Variants in KIF1B observed in about 807,000 individuals in gnomAD.
KIF1B encodes kinesin family member 1B.
KIF1B carries 76 observed loss-of-function variants against 241.9 expected under a neutral mutation model. The observed-to-expected ratio is 0.31, with a 90% CI of 0.26 to 0.38. The LOEUF (loss-of-function observed/expected upper bound fraction) is 0.38. KIF1B is among the 10% of genes least tolerant of loss of function. The pLI is 1.00. For synonymous variants in KIF1B, 750 were observed against 796.7 expected (o/e 0.94, Z 0.99); for missense variants, 1,622 against 2,271.4 (o/e 0.71, Z 5.81).
chr1:10,360,223 C>T (rs1193076551), intron 38 of KIF1B, among the ~76,000 whole-genome samples: 2 of 152,128 alleles, frequency 1.3e-5, no homozygotes, highest in Non-Finnish European at 2.9e-5. Context: ...AGTTACCAAG[C>T]ATTCACTTCC....
intron 22 of KIF1B, among the ~76,000 whole-genome samples, chr1:10,319,006 C>G (rs748142370): frequency 6.6e-6 from 1 of 151,940 alleles, no homozygotes; most frequent in Non-Finnish European, 1.5e-5. Flanking sequence ...CTCTGAGAAC[C>G]ATTTTTTGGC....
chr1:10,260,618 A>G lies in KIF1B; in HGVS notation c.364-1287A>G, dbSNP rs926488815. Among the ~76,000 whole-genome samples, 11 of 152,114 alleles carry G rather than the reference A, an allele frequency of 7.2e-5. No individual in the cohort carries two copies. In the East Asian group the frequency reaches 2.1e-3, roughly 29 times the overall value. On this transcript the variant is annotated intron_variant, in intron 4 of 48. Coordinates refer to ENST00000676179, the MANE Select transcript of KIF1B (RefSeq NM_001365951.3). ...GGTGGCTCATGCCTGTAATCCCATC[A>G]CTTTGGGAGGCCAAGGCGGGTGGAT...
Position 10,292,081 on chromosome 1 carries a change from C to A in KIF1B, c.1549C>A (p.Arg517=). 1 of 1,613,846 alleles carries A rather than the reference C, an allele frequency of 6.2e-7. No individual in the cohort carries two copies. Among genetic ancestry groups the A allele is most frequent in the East Asian group, 2.2e-5 (1 of 44,844 alleles). The change falls in exon 17 of 49, where the codon CGG becomes AGG. Residue 517 remains arginine, a synonymous_variant. Transcript: ENST00000676179. ...ALLAEMGVAI[R]EDGGTLGVFS... ...GTTGGCTGAGATGGGAGTTGCCATT[C>A]GGGAAGATGGAGGAACCCTAGGGGT...
chr1:10,243,430 G>A (rs1408694681), intron 2 of KIF1B, among the ~76,000 whole-genome samples: 3 of 152,072 alleles, frequency 2.0e-5, no homozygotes, highest in Non-Finnish European at 4.4e-5. Context: ...AAAAACAATT[G>A]CCTTTTAGTG....
intron 4 of KIF1B, among the ~76,000 whole-genome samples, chr1:10,259,003 C>T (rs1424321569): frequency 6.6e-6 from 1 of 152,164 alleles, no homozygotes; most frequent in Non-Finnish European, 1.5e-5. Context: ...TATTGTTGAT[C>T]TGATTTTTTT....
chr1:10,374,772 A>G lies in KIF1B; in HGVS notation c.5097-82A>G. The G allele has an allele frequency of 7.6e-7, 1 of 1,322,088 alleles. No individual in the cohort carries two copies. Among genetic ancestry groups the G allele is most frequent in the Non-Finnish European group, 1.1e-6 (1 of 918,460 alleles). The allele number at this position is 1,322,088 out of a possible 1,614,324, so 81.9% of individuals were successfully genotyped here. ...TTCATCGAATCTAAGGACTTGGCCTAAGTGTGGCGTATTTTGATGGTCCTC... is the reference window on the plus strand; with the variant it reads ...TTCATCGAATCTAAGGACTTGGCCTGAGTGTGGCGTATTTTGATGGTCCTC... On this transcript the variant is annotated intron_variant, in intron 46 of 48. Transcript: ENST00000676179. This position sits in a 1 kb window ranked among gnomAD's most constrained non-coding sequence, Gnocchi z 4.3.
chr1:10,268,607 G>A (rs923579094), intron 7 of KIF1B, among the ~76,000 whole-genome samples: 45 of 148,194 alleles, frequency 3.0e-4, no homozygotes, highest in African/African-American at 1.1e-3. Context: ...CTTATTAGCT[G>A]CCTTTGGTAT....
At position 10,276,377 on chromosome 1, in the gene KIF1B, G is replaced by A. The variant is rs1649108743; in HGVS notation, c.1015G>A (p.Asp339Asn). The change falls in exon 12 of 49, where the codon GAT becomes AAT. Residue 339 changes from aspartate (D) to asparagine (N), a missense_variant. Physicochemically the swap from Asp to Asn is conservative, Grantham distance 23. Around this residue, in one of 7 missense-constraint regions of KIF1B, gnomAD observed 201 missense variants for 301.2 expected, o/e 0.67. Coordinates refer to ENST00000676179, the MANE Select transcript of KIF1B (RefSeq NM_001365951.3). Reference sequence around the variant, plus strand: ...TCTGAGCCCCGCGGATATCAACTACGATGAGACTTTGAGCACTCTGAGGTA... The same window carrying A: ...TCTGAGCCCCGCGGATATCAACTACAATGAGACTTTGAGCACTCTGAGGTA... The part of the protein sequence containing the change: ...AALSPADINY[D>N]ETLSTLRYAD... 1.9e-6 allele frequency: 3 copies of A among 1,613,532 alleles called. No individual in the cohort carries two copies. Among genetic ancestry groups the A allele is most frequent in the Non-Finnish European group, 2.5e-6 (3 of 1,179,728 alleles).
chr1:10,267,003 TTTTCTTTC>T lies in KIF1B; in HGVS notation c.430-361_430-354del, dbSNP rs539886931. Among the ~76,000 whole-genome samples the T allele has an allele frequency of 9.2e-5, 14 of 151,540 alleles. 1 individual carries two copies. The highest frequency in any genetic ancestry group is 2.9e-4 in the African/African-American group (12 of 41,040). On this transcript the variant is annotated intron_variant, in intron 5 of 48. Coordinates refer to ENST00000676179, the MANE Select transcript of KIF1B (RefSeq NM_001365951.3). ...CTGTATGTGATTTCTTTTGTTTTCT[TTTTCTTTC>T]TTTCTTTCTTTCTTTTTTTTTATTA...
intron 4 of KIF1B, among the ~76,000 whole-genome samples, chr1:10,260,105 T>TA (rs1648043884): frequency 6.6e-6 from 1 of 152,340 alleles, no homozygotes; most frequent in East Asian, 1.9e-4. Flanking sequence ...AGAGTGTACT[T>TA]ACACAAACCC....
At chr1:10,260,406 G>T (rs1403737668) in intron 4 of KIF1B, among the ~76,000 whole-genome samples, 1 of 152,220 alleles carries the variant, frequency 6.6e-6, no homozygotes. Flanking sequence ...TTGCTTTGCA[G>T]TATTGTAGAC....
chr1:10,272,747 T>C (rs1648872677), intron 9 of KIF1B, among the ~76,000 whole-genome samples: 1 of 151,990 alleles, frequency 6.6e-6, no homozygotes, highest in Non-Finnish European at 1.5e-5. Flanking sequence ...AATAGTTTTG[T>C]TCTTTCCTAC....
intron 6 of KIF1B, 62 bp downstream of exon 6, chr1:10,267,620 A>C (rs755183758): frequency 6.5e-7 from 1 of 1,548,084 alleles, no homozygotes; most frequent in Non-Finnish European, 8.9e-7. Context: ...CTTTTTTCCC[A>C]GTTAAGGGTT....
intron 22 of KIF1B, among the ~76,000 whole-genome samples, chr1:10,318,025 T>C (rs1651372327): frequency 6.6e-6 from 1 of 151,454 alleles, no homozygotes; most frequent in Non-Finnish European, 1.5e-5. Context: ...ATTAGAAGGC[T>C]AGTAAGAACA....
chr1:10,359,890 T>G (rs545184690), intron 38 of KIF1B, among the ~76,000 whole-genome samples: 17 of 151,850 alleles, frequency 1.1e-4, no homozygotes, highest in African/African-American at 4.1e-4. Flanking sequence ...AAAAATTAGC[T>G]GGCGTAGTGG....
At chr1:10,221,935 C>A (rs1286503227) in intron 1 of KIF1B, among the ~76,000 whole-genome samples, 2 of 152,162 alleles carry the variant, frequency 1.3e-5, no homozygotes, top group Non-Finnish European at 2.9e-5. Context: ...CATGCCTCAG[C>A]CTCCTAAGTA....
chr1:10,247,861 G>T (rs1246131745), intron 2 of KIF1B, among the ~76,000 whole-genome samples: 1 of 152,094 alleles, frequency 6.6e-6, no homozygotes, highest in East Asian at 1.9e-4. Context: ...ATGGTTTCGG[G>T]ATGAAACCGT....
intron 2 of KIF1B, among the ~76,000 whole-genome samples, chr1:10,242,624 C>T (rs1211854944): frequency 6.6e-6 from 1 of 152,098 alleles, no homozygotes; most frequent in Non-Finnish European, 1.5e-5. Flanking sequence ...TCAAACAATT[C>T]TCCTGCCTAA....
intron 2 of KIF1B, among the ~76,000 whole-genome samples, chr1:10,234,273 T>G (rs1331698509): frequency 6.6e-6 from 1 of 151,506 alleles, no homozygotes; most frequent in East Asian, 1.9e-4. Context: ...AGTGGTGTGA[T>G]CTCGGCTCAC....
Sources: gnomAD v4.1 joint callset for allele counts (sites outside exome capture counted in the v4.1 genomes callset) on GRCh38, gnomAD v4.1.1 for gene constraint, gnomAD v4.1.1 regional missense constraint, Gnocchi (gnomAD v3.1) non-coding constraint, MANE v1.5 for transcripts, NCBI Gene and HGNC (gene_info 2026-07-23, HGNC 2026-07-21) for gene names.